Variants in RFPL1 observed in about 807,000 individuals in gnomAD.
The protein encoded by RFPL1 is ret finger protein-like 1.
RFPL1 carries 6 observed loss-of-function variants against 9.6 expected under a neutral mutation model. That is an observed-to-expected ratio of 0.62 (90% confidence interval 0.34 to 1.23). RFPL1 has a LOEUF of 1.23. RFPL1 is among the 50% of genes most tolerant of loss of function. RFPL1 has a pLI of 0.03. For missense variants in RFPL1, 352 were observed against 398.4 expected (o/e 0.88, Z 0.99); for synonymous variants, 145 against 149.4 (o/e 0.97, Z 0.22).
chr22:29,419,848 T>C, the RFPL1 span, among the ~76,000 whole-genome samples: 1 of 148,358 alleles, frequency 6.7e-6, no homozygotes, highest in Admixed American at 6.7e-5. Flanking sequence ...TAGAGGCCAC[T>C]CTGGATTGAA....
chr22:29,424,713 C>A, the RFPL1 span, among the ~76,000 whole-genome samples: 1 of 151,166 alleles, frequency 6.6e-6, no homozygotes, highest in African/African-American at 2.4e-5. Context: ...CACCTGTAGT[C>A]CCATCTACTC....
upstream of RFPL1, among the ~76,000 whole-genome samples, chr22:29,435,219 G>A (rs71329486): frequency 0.17 from 25,770 of 152,170 alleles, 2,343 homozygotes; most frequent in African/African-American, 0.2. Context: ...CCGTGGCTCC[G>A]TGTCCCTCCC....
chr22:29,441,769 G>A, exon 2 of RFPL1: 1 of 1,613,952 alleles, frequency 6.2e-7, no homozygotes, highest in Non-Finnish European at 8.5e-7. Context: ...CAGAGAATCT[G>A]TTCACCGCAA....
the RFPL1 span, among the ~76,000 whole-genome samples, chr22:29,394,763 A>G: frequency 6.6e-6 from 1 of 152,232 alleles, no homozygotes; most frequent in African/African-American, 2.4e-5. Flanking sequence ...CTCAATAGGT[A>G]GATGCTAAGA....
chr22:29,415,660 T>A, the RFPL1 span, among the ~76,000 whole-genome samples: 2 of 152,244 alleles, frequency 1.3e-5, no homozygotes, highest in Non-Finnish European at 2.9e-5. Context: ...GAAGAGGCTT[T>A]ATTCGGCCGG....
exon 1 of RFPL1, chr22:29,438,916 T>G: frequency 6.2e-7 from 1 of 1,613,992 alleles, no homozygotes; most frequent in Non-Finnish European, 8.5e-7. Flanking sequence ...AGCTGTCCCG[T>G]CTGCTCAGAC....
At chr22:29,397,349 A>C in the RFPL1 span, among the ~76,000 whole-genome samples, 1 of 152,024 alleles carries the variant, frequency 6.6e-6, no homozygotes, top group East Asian at 1.9e-4. Context: ...CAGGTCTTCA[A>C]CTGGTTCAGC....
chr22:29,432,548 C>T, the RFPL1 span, among the ~76,000 whole-genome samples: 83 of 152,286 alleles, frequency 5.5e-4, no homozygotes, highest in African/African-American at 1.9e-3. Flanking sequence ...TCTCGGTCGC[C>T]GGCTAATAAA....
the RFPL1 span, among the ~76,000 whole-genome samples, chr22:29,393,508 C>G: frequency 6.6e-6 from 1 of 152,202 alleles, no homozygotes; most frequent in African/African-American, 2.4e-5. Flanking sequence ...CACCACTAAA[C>G]CCACCTAGCT....
At chr22:29,401,681 G>T in the RFPL1 span, among the ~76,000 whole-genome samples, 1 of 152,148 alleles carries the variant, frequency 6.6e-6, no homozygotes, top group African/African-American at 2.4e-5. Flanking sequence ...GATGAACATA[G>T]AGTATCTTAA....
chr22:29,439,458 CCT>C (rs2062827146), intron 1 of RFPL1: 4 of 370,606 alleles, frequency 1.1e-5, no homozygotes, highest in Non-Finnish European at 1.5e-5. Context: ...ACGGTGAAAC[CCT>C]GTCTCTACTA....
chr22:29,402,661 C>T, the RFPL1 span, among the ~76,000 whole-genome samples: 3 of 151,004 alleles, frequency 2.0e-5, no homozygotes, highest in Non-Finnish European at 2.9e-5. Flanking sequence ...CAAAGCAGTC[C>T]GAAATTTGTG....
the RFPL1 span, chr22:29,423,318 G>A: frequency 9.5e-4 from 602 of 631,214 alleles, 3 homozygotes; most frequent in South Asian, 7.4e-3. Flanking sequence ...TCTATTTCCT[G>A]GAGAAACAAA....
At chr22:29,442,111 G>A in exon 2 of RFPL1, 1 of 1,543,966 alleles carries the variant, frequency 6.5e-7, no homozygotes, top group Non-Finnish European at 8.7e-7. Flanking sequence ...CCATCCTGGG[G>A]AGGCCAAATA....
At chr22:29,440,792 G>A (rs2062834806) in intron 1 of RFPL1, 1 of 152,160 alleles carries the variant, frequency 6.6e-6, no homozygotes, top group Non-Finnish European at 1.5e-5. Flanking sequence ...AGCCAGGATG[G>A]TCTCGATCTC....
chr22:29,437,608 A>C, upstream of RFPL1: 1 of 1,588,420 alleles, frequency 6.3e-7, no homozygotes, highest in Non-Finnish European at 8.6e-7. Context: ...GAGGGTGTGG[A>C]AGGGCATGAC....
At chr22:29,397,323 G>A in the RFPL1 span, among the ~76,000 whole-genome samples, 1 of 152,068 alleles carries the variant, frequency 6.6e-6, no homozygotes, top group Non-Finnish European at 1.5e-5. Flanking sequence ...GACTGAATTG[G>A]GGGGATACAC....
chr22:29,439,147 G>A (rs1380882556), exon 1 of RFPL1: 2 of 1,613,910 alleles, frequency 1.2e-6, no homozygotes, highest in African/African-American at 1.3e-5. Context: ...ATGAACCCAA[G>A]GATGCGGAAG....
chr22:29,393,948 A>C, the RFPL1 span, among the ~76,000 whole-genome samples: 11 of 152,230 alleles, frequency 7.2e-5, no homozygotes, highest in East Asian at 2.1e-3. Flanking sequence ...AAGTGCTGGG[A>C]TTACAGGCAT....
Sources: allele counts gnomAD v4.1 joint callset (sites outside exome capture counted in the v4.1 genomes callset), GRCh38; gene constraint gnomAD v4.1.1; transcripts MANE v1.5; gene names NCBI Gene and HGNC (gene_info 2026-07-23, HGNC 2026-07-21).